The following QSER1 variants were observed in gnomAD, a reference collection of about 807,000 sequenced individuals.
QSER1 encodes glutamine and serine rich 1.
A neutral mutation model predicts 158.5 loss-of-function variants in QSER1; 49 were observed. The observed-to-expected ratio is 0.31, with a 90% CI of 0.25 to 0.39. The LOEUF (loss-of-function observed/expected upper bound fraction) is 0.39. QSER1 is among the 10% of genes least tolerant of loss of function. The pLI is 1.00. For missense variants in QSER1, 1,754 were observed against 2,010.3 expected (o/e 0.87, Z 2.44); for synonymous variants, 650 against 715.5 (o/e 0.91, Z 1.46).
At chr11:32,901,810 G>A (rs1486206107) in intron 1 of QSER1, among the ~76,000 whole-genome samples, 7 of 152,228 alleles carry the variant, frequency 4.6e-5, no homozygotes, top group East Asian at 1.9e-4. Flanking sequence ...ATGGCCAGGC[G>A]TGGTGGCTTG....
At chr11:32,896,184 C>T (rs1488434217) in intron 1 of QSER1, among the ~76,000 whole-genome samples, 1 of 152,132 alleles carries the variant, frequency 6.6e-6, no homozygotes, top group Non-Finnish European at 1.5e-5. Context: ...ATAAGAAGGT[C>T]ATCAAGAGTC....
intron 4 of QSER1, among the ~76,000 whole-genome samples, chr11:32,938,569 G>T (rs1852186259): frequency 6.6e-6 from 1 of 152,148 alleles, no homozygotes; most frequent in Admixed American, 6.5e-5. Flanking sequence ...TTCCACTGAT[G>T]CTAGTTTCCA....
chr11:32,909,348 T>A lies in QSER1; in HGVS notation c.209+16014T>A, dbSNP rs1032557554. Among the ~76,000 whole-genome samples the A allele has an allele frequency of 4.6e-5, 7 of 152,238 alleles. No homozygotes were observed. In the South Asian group the frequency reaches 1.4e-3, roughly 32 times the overall value. ...AAGTATCTTTTATCATCAACAGCTT[T>A]ATCGATTTGATATTTTCACTGATTT... On this transcript the variant is annotated intron_variant, in intron 1 of 12. Transcript: ENST00000650167.
intron 1 of QSER1, among the ~76,000 whole-genome samples, chr11:32,897,866 C>A (rs2133485037): frequency 6.6e-6 from 1 of 152,186 alleles, no homozygotes; most frequent in East Asian, 1.9e-4. Flanking sequence ...TACCTCTGTC[C>A]ACTTAGTTGC....
chr11:32,931,722 C>G lies in QSER1; in HGVS notation c.485-21C>G, dbSNP rs1447013629. 3 of 1,536,204 alleles carry G rather than the reference C, an allele frequency of 2.0e-6. No homozygotes were observed. The African/African-American group carries it at 4.2e-5, about 21-fold the overall frequency. On this transcript the variant is annotated intron_variant, in intron 3 of 12. Transcript: ENST00000650167. Reference sequence around the variant, plus strand: ...AATTGTGCCATAATTACATAAAAATCTTTGTGCCTTTTCTTCATAGGCATG... The same window carrying G: ...AATTGTGCCATAATTACATAAAAATGTTTGTGCCTTTTCTTCATAGGCATG...
In QSER1 at chr11:32,957,995, A is replaced by C; in HGVS notation, c.4878A>C (p.Pro1626=). ...VKQPKVKAEP[P]PKKRKKWKEE... Reference sequence around the variant, plus strand: ...AGCCAAAAGTAAAGGCTGAGCCACCACCAAAGAAACGGAAAAAATGGAAAG... The same window carrying C: ...AGCCAAAAGTAAAGGCTGAGCCACCCCCAAAGAAACGGAAAAAATGGAAAG... Residue 1626 remains proline, a synonymous_variant, in exon 8 of 13, where the codon CCA becomes CCC. Transcript: ENST00000650167. 6.2e-7 allele frequency: 1 copy of C among 1,614,124 alleles called. No homozygotes were observed. Among genetic ancestry groups the C allele is most frequent in the Non-Finnish European group, 8.5e-7 (1 of 1,180,008 alleles).
chr11:32,925,301 C>T (rs1457636305), intron 1 of QSER1, among the ~76,000 whole-genome samples: 1 of 152,098 alleles, frequency 6.6e-6, no homozygotes, highest in Non-Finnish European at 1.5e-5. Context: ...TTTGAATAAA[C>T]TTCACTAGAG....
At position 32,953,844 on chromosome 11, in the gene QSER1, G is replaced by C; in HGVS notation, c.4178-13G>C. 1.3e-6 allele frequency: 2 copies of C among 1,590,588 alleles called. No homozygotes were observed. Among genetic ancestry groups the C allele is most frequent in the Non-Finnish European group, 1.7e-6 (2 of 1,168,168 alleles). On this transcript the variant is annotated splice_polypyrimidine_tract_variant and intron_variant, in intron 4 of 12. Coordinates refer to ENST00000650167, the MANE Select transcript of QSER1 (RefSeq NM_001076786.3). ...TTGTAATACTGATTTGCATTTGCTT[G>C]GTTTTGTTTCAGAAGCCCTACAGGT...
chr11:32,895,700 C>T (rs550805973), intron 1 of QSER1, among the ~76,000 whole-genome samples: 1 of 152,172 alleles, frequency 6.6e-6, no homozygotes, highest in Non-Finnish European at 1.5e-5. Context: ...TTTCCTGTAA[C>T]CTATTCAGAA....
intron 11 of QSER1, 137 bp downstream of exon 11, chr11:32,973,686 A>C: frequency 1.3e-6 from 1 of 782,746 alleles, no homozygotes; most frequent in Non-Finnish European, 2.0e-6. Context: ...AATAAGCGTC[A>C]CTGGCCTGAG....
chr11:32,937,210 C>T (rs911212107), intron 4 of QSER1, among the ~76,000 whole-genome samples: 17 of 152,156 alleles, frequency 1.1e-4, no homozygotes, highest in African/African-American at 3.9e-4. Flanking sequence ...TCCCTGTTGC[C>T]TCATCTGAAA....
chr11:32,904,461 A>AT (rs1851665650), intron 1 of QSER1, among the ~76,000 whole-genome samples: 1 of 152,116 alleles, frequency 6.6e-6, no homozygotes, highest in Non-Finnish European at 1.5e-5. Context: ...AAGTGCTGGG[A>AT]TTACAGGTGT....
intron 4 of QSER1, among the ~76,000 whole-genome samples, chr11:32,945,393 T>C (rs1186948861): frequency 2.0e-5 from 3 of 151,344 alleles, no homozygotes; most frequent in Non-Finnish European, 4.4e-5. Context: ...CCTTTCCATG[T>C]TTAGCGCTTC....
rs71034630 is a variant in QSER1, at chr11:32,898,482, T to TCACACA, written c.209+5191_209+5196dup. On this transcript the variant is annotated intron_variant, in intron 1 of 12. Coordinates refer to ENST00000650167, the MANE Select transcript of QSER1 (RefSeq NM_001076786.3). The stretch of plus-strand genomic sequence containing the variant: ...GTGTGAGCGACAGAGTGAGAACCTG[T>TCACACA]CACACACACACACACACACACACAC... Among the ~76,000 whole-genome samples, 1,403 of 143,022 alleles carry TCACACA rather than the reference T, an allele frequency of 9.8e-3. 10 individuals are homozygous for TCACACA. Among genetic ancestry groups the TCACACA allele is most frequent in the South Asian group, 0.031 (130 of 4,218 alleles). The allele number at this position is 143,022 out of a possible 152,430, so 93.8% of individuals were successfully genotyped here.
intron 4 of QSER1, among the ~76,000 whole-genome samples, chr11:32,939,515 T>C (rs1181063651): frequency 6.6e-6 from 1 of 152,178 alleles, no homozygotes; most frequent in Non-Finnish European, 1.5e-5. Context: ...ATTTTGGATT[T>C]TATCTTGGAC....
At chr11:32,944,105 A>C (rs1034208361) in intron 4 of QSER1, among the ~76,000 whole-genome samples, 1 of 151,778 alleles carries the variant, frequency 6.6e-6, no homozygotes, top group Non-Finnish European at 1.5e-5. Flanking sequence ...TTTTTATTGC[A>C]TCTATTTGAT....
rs1853015029 is a variant in QSER1 at position 32,978,523 on chromosome 11, A to AATC, written c.*2050_*2052dup. ...CCACCTTAATTTAGGTAGCTCTTGG[A>AATC]ATCGATGTTTGAATTCACTAGCCAC... is the stretch of plus-strand genomic sequence containing the variant. On this transcript the variant is annotated 3_prime_UTR_variant, in exon 13 of 13. Coordinates refer to ENST00000650167, the MANE Select transcript of QSER1 (RefSeq NM_001076786.3). 6.6e-6 allele frequency: 1 copy of AATC among 152,230 alleles called. No homozygotes were observed. The allele number at this position is 152,230 out of a possible 1,614,324, so 9.4% of individuals were successfully genotyped here.
At chr11:32,904,804 G>A (rs1002784055) in intron 1 of QSER1, among the ~76,000 whole-genome samples, 4 of 152,034 alleles carry the variant, frequency 2.6e-5, no homozygotes, top group Non-Finnish European at 5.9e-5. Flanking sequence ...ACCCTCAAAA[G>A]AATGGTATGC....
Position 32,933,733 on chromosome 11 carries a change from T to G in QSER1, c.2475T>G (p.Asp825Glu), listed in dbSNP as rs1420697311. 6.2e-7 allele frequency: 1 copy of G among 1,613,986 alleles called. No individual in the cohort carries two copies. The highest frequency in any genetic ancestry group is 8.5e-7 in the Non-Finnish European group (1 of 1,179,960). ...AGTCCAAGGTCCAGGAACAGCACGA[T>G]CAAATAATTAATGCTTCATCTCAGA... ...VHESKVQEQH[D>E]QIINASSQIQ... The change falls in exon 4 of 13, where the codon GAT becomes GAG. Residue 825 changes from aspartate (D) to glutamate (E), a missense_variant. Transcript: ENST00000650167.
Sources: allele counts gnomAD v4.1 joint callset (sites outside exome capture counted in the v4.1 genomes callset), GRCh38; gene constraint gnomAD v4.1.1; transcripts MANE v1.5; gene names NCBI Gene and HGNC (gene_info 2026-07-23, HGNC 2026-07-21).